The following FGF12 variants were observed in gnomAD, a reference collection of about 807,000 sequenced individuals.
The protein encoded by FGF12 is fibroblast growth factor 12B.
A neutral mutation model predicts 23.6 loss-of-function variants in FGF12; 14 were observed. The ratio of observed to expected loss-of-function variants is 0.59; its 90% CI spans 0.39 to 0.93. The LOEUF (loss-of-function observed/expected upper bound fraction) is 0.93. Among genes scored for constraint, FGF12 ranks in the 40% least tolerant of loss-of-function variants. FGF12 has a pLI of 0.00. For missense variants in FGF12, 175 were observed against 217.8 expected, an observed-to-expected ratio of 0.80 and a Z score of 1.24; for synonymous variants, 62 against 77.3, an observed-to-expected ratio of 0.80 and a Z score of 1.04.
intron 4 of FGF12, among the ~76,000 whole-genome samples, chr3:192,202,870 G>A (rs1054881684): frequency 2.6e-5 from 4 of 151,986 alleles, no homozygotes; most frequent in African/African-American, 7.2e-5. Flanking sequence ...GATAAAGACT[G>A]AAAAAAATAA....
In FGF12 at chr3:192,336,004, A is replaced by G. The variant is rs1166806819; in HGVS notation, c.125-540T>C. On this transcript the variant is annotated intron_variant, in intron 3 of 5. Transcript: ENST00000445105. This position sits in a 1 kb window ranked among gnomAD's most constrained non-coding sequence, Gnocchi z 4.3. The stretch of plus-strand genomic sequence containing the variant: ...ACATTCAGACAAAACTTTTTTCTTG[A>G]TATCTCAATTTTTTACATGTAAATA... Among the ~76,000 whole-genome samples, 1 of 151,944 alleles carries G rather than the reference A, an allele frequency of 6.6e-6. No homozygotes were observed. Among genetic ancestry groups the G allele is most frequent in the Non-Finnish European group, 1.5e-5 (1 of 67,986 alleles).
chr3:192,157,751 AT>A (rs1267045720), intron 5 of FGF12, among the ~76,000 whole-genome samples: 4 of 152,228 alleles, frequency 2.6e-5, no homozygotes, highest in African/African-American at 9.6e-5. Context: ...CATTGCTGTT[AT>A]TTATAAAGCA....
At chr3:192,330,910 G>A (rs1168203962) in intron 4 of FGF12, among the ~76,000 whole-genome samples, 1 of 152,104 alleles carries the variant, frequency 6.6e-6, no homozygotes, top group Non-Finnish European at 1.5e-5. Flanking sequence ...CTAACAGAGT[G>A]AGAAGGTAGC....
At chr3:192,215,910 C>T (rs893022755) in intron 4 of FGF12, among the ~76,000 whole-genome samples, 1 of 152,114 alleles carries the variant, frequency 6.6e-6, no homozygotes, top group Non-Finnish European at 1.5e-5. Context: ...AAGACTCCTC[C>T]TTCTTCACTT....
At chr3:192,332,602 C>T (rs1345869151) in intron 4 of FGF12, among the ~76,000 whole-genome samples, 2 of 152,068 alleles carry the variant, frequency 1.3e-5, no homozygotes, top group Non-Finnish European at 2.9e-5. Flanking sequence ...CCTCCTGCTT[C>T]CTGGTGAAGA....
intron 2 of FGF12, chr3:192,726,839 T>G: frequency 6.1e-6 from 2 of 328,370 alleles, no homozygotes; most frequent in Non-Finnish European, 1.1e-5. Flanking sequence ...ATGAAATAGA[T>G]TTATTTGAGT....
chr3:192,405,996 A>C (rs145118353), intron 2 of FGF12, among the ~76,000 whole-genome samples: 149 of 152,264 alleles, frequency 9.8e-4, no homozygotes, highest in African/African-American at 3.5e-3. Flanking sequence ...CCAGATTGTT[A>C]TTTTGACACT....
At chr3:192,415,732 T>TCTCATACACACACACACA (rs369293180) in intron 2 of FGF12, among the ~76,000 whole-genome samples, 2 of 117,948 alleles carry the variant, frequency 1.7e-5, no homozygotes, top group Non-Finnish European at 3.6e-5. Context: ...TCTCTCTCTC[T>TCTCATACACACACACACA]CACACACACA....
At position 192,544,958 on chromosome 3, in the gene FGF12, C is replaced by T. The variant is rs532670646; in HGVS notation, c.13+182223G>A. On this transcript the variant is annotated intron_variant, in intron 2 of 5. Transcript: ENST00000445105. ...TACTTTGTCTGGACTTTGACTTTTC[C>T]TCTTCCTGGAAGAGGAGATGGAGGA... Among the ~76,000 whole-genome samples, 17 of 152,236 alleles carry T rather than the reference C, an allele frequency of 1.1e-4. No homozygotes were observed. In the East Asian group the frequency reaches 3.3e-3, roughly 30 times the overall value.
chr3:192,641,134 C>T (rs139925547), intron 2 of FGF12, among the ~76,000 whole-genome samples: 8,008 of 44,722 alleles, frequency 0.18, 675 homozygotes, highest in East Asian at 0.26. Flanking sequence ...GAGACGGAGT[C>T]TCACTCTGTC....
intron 2 of FGF12, among the ~76,000 whole-genome samples, chr3:192,472,161 C>T (rs368526508): frequency 3.3e-5 from 5 of 152,100 alleles, no homozygotes; most frequent in East Asian, 3.9e-4. Flanking sequence ...GGACTACAGG[C>T]GCCTGCCACC....
At chr3:192,525,176 A>G (rs1158433161) in intron 2 of FGF12, among the ~76,000 whole-genome samples, 1 of 152,098 alleles carries the variant, frequency 6.6e-6, no homozygotes, top group East Asian at 1.9e-4. Flanking sequence ...TAAAATTCCT[A>G]CGCTATTGAT....
chr3:192,440,961 T>C (rs1722184851), intron 2 of FGF12, among the ~76,000 whole-genome samples: 1 of 152,198 alleles, frequency 6.6e-6, no homozygotes, highest in African/African-American at 2.4e-5. Flanking sequence ...CCATCTTACA[T>C]TGTAGAAAAT....
chr3:192,141,127 CCAAAAA>C lies in FGF12; in HGVS notation c.*2876_*2881del, dbSNP rs1369715914. 31 of 21,856 alleles carry C rather than the reference CCAAAAA, an allele frequency of 1.4e-3. No homozygotes were observed. Among genetic ancestry groups the C allele is most frequent in the African/African-American group, 6.1e-3 (28 of 4,612 alleles). The allele number at this position is 21,856 out of a possible 1,614,324, so 1.4% of individuals were successfully genotyped here. On this transcript the variant is annotated 3_prime_UTR_variant, in exon 6 of 6. Coordinates refer to ENST00000445105, the MANE Select transcript of FGF12 (RefSeq NM_004113.6). ...TCCTGGGAAAAATCCCAATGCAACT[CCAAAAA>C]AAAAAAAAAAAAAAAAAAAAAGCTT...
intron 2 of FGF12, among the ~76,000 whole-genome samples, chr3:192,378,431 C>A (rs1719669856): frequency 7.0e-6 from 1 of 142,186 alleles, no homozygotes; most frequent in Non-Finnish European, 1.5e-5. Context: ...ATTAAAATAG[C>A]TTTCCCAAAA....
intron 4 of FGF12, among the ~76,000 whole-genome samples, chr3:192,184,554 T>C (rs945099428): frequency 6.6e-6 from 1 of 152,152 alleles, no homozygotes; most frequent in Non-Finnish European, 1.5e-5. Context: ...AGAATTGCCA[T>C]GTGTGGGCAA....
chr3:192,503,461 T>C (rs1366179989), intron 2 of FGF12, among the ~76,000 whole-genome samples: 1 of 152,092 alleles, frequency 6.6e-6, no homozygotes, highest in Non-Finnish European at 1.5e-5. Context: ...CCAAGTTATA[T>C]GTTACAGCCA....
intron 2 of FGF12, among the ~76,000 whole-genome samples, chr3:192,665,201 T>C (rs1577108193): frequency 1.3e-5 from 2 of 152,096 alleles, no homozygotes; most frequent in East Asian, 1.9e-4. Flanking sequence ...GGGTAGAGAA[T>C]AAAAAAATAA....
rs189543019 is a variant in FGF12 at position 192,629,677 on chromosome 3, A to G, written c.13+97504T>C. 1.0e-3 allele frequency among the ~76,000 whole-genome samples: 153 copies of G among 152,304 alleles called. 2 individuals carry two copies. The Middle Eastern group carries it at 0.01, about 10-fold the overall frequency. ...TATTGGATCTTTGAGCATCATCCCA[A>G]TTCATGAATACAAAAAAGTACAAAG... On this transcript the variant is annotated intron_variant, in intron 2 of 5. Transcript: ENST00000445105.
Sources: allele counts gnomAD v4.1 joint callset (sites outside exome capture counted in the v4.1 genomes callset), GRCh38; gene constraint gnomAD v4.1.1; non-coding constraint Gnocchi (gnomAD v3.1); transcripts MANE v1.5; gene names NCBI Gene and HGNC (gene_info 2026-07-23, HGNC 2026-07-21).